The following RTN4RL1 variants were observed in gnomAD, a reference collection of about 807,000 sequenced individuals.
The protein encoded by RTN4RL1 is reticulon 4 receptor like 1.
Under a neutral mutation model 25.6 loss-of-function variants are expected in RTN4RL1, and 7 were observed. That is an observed-to-expected ratio of 0.27 (90% CI 0.16 to 0.51). The LOEUF (loss-of-function observed/expected upper bound fraction) is 0.51. Ranked by LOEUF, RTN4RL1 falls within the 20% of genes least tolerant of loss-of-function variation. RTN4RL1 has a pLI of 0.97. For missense variants in RTN4RL1, 500 were observed against 615.6 expected, an observed-to-expected ratio of 0.81 and a Z score of 1.99; for synonymous variants, 297 against 288.2, an observed-to-expected ratio of 1.03 and a Z score of -0.31.
chr17:1,968,587 A>C (rs890565528), intron 1 of RTN4RL1, among the ~76,000 whole-genome samples: 8 of 152,184 alleles, frequency 5.3e-5, no homozygotes, highest in Non-Finnish European at 1.2e-4. Flanking sequence ...TCAGGAGCTC[A>C]GCGCACTCAG....
chr17:2,004,874 T>C (rs888904439), intron 1 of RTN4RL1, among the ~76,000 whole-genome samples: 50 of 152,208 alleles, frequency 3.3e-4, no homozygotes, highest in African/African-American at 1.2e-3. Flanking sequence ...ATGTGGGCTG[T>C]AGCTAAGGCC....
chr17:1,947,013 AATGTGTCTGTGTGTGCAC>A lies in RTN4RL1; in HGVS notation c.14-9223_14-9206del, dbSNP rs1425559272. On this transcript the variant is annotated intron_variant, in intron 1 of 1. Transcript: ENST00000331238. ...TGGGGCCTGTGTGCATCTCTGTGTGAATGTGTCTGTGTGTGCACATGTGTCTGTGTGCGTCTCTGTGAA... is the reference window on the plus strand; with the variant it reads ...TGGGGCCTGTGTGCATCTCTGTGTGAATGTGTCTGTGTGCGTCTCTGTGAA... Among the ~76,000 whole-genome samples the A allele has an allele frequency of 1.2e-4, 5 of 43,198 alleles. No homozygotes were observed. The East Asian group carries it at 2.0e-3, about 17-fold the overall frequency. 28.3% of individuals were successfully genotyped at this position (43,198 alleles called of 152,430 possible).
intron 1 of RTN4RL1, among the ~76,000 whole-genome samples, chr17:1,971,769 T>C (rs945951278): frequency 3.3e-5 from 5 of 151,928 alleles, no homozygotes; most frequent in African/African-American, 4.8e-5. Context: ...GAGACCATCC[T>C]AGCTAACATG....
At chr17:1,971,969 A>G (rs1313419974) in intron 1 of RTN4RL1, among the ~76,000 whole-genome samples, 1 of 147,422 alleles carries the variant, frequency 6.8e-6, no homozygotes, top group Non-Finnish European at 1.5e-5. Flanking sequence ...CTCAAAAAAA[A>G]AAAAAAAAAA....
Position 2,010,190 on chromosome 17 carries a change from C to T in RTN4RL1, c.13+14663G>A, listed in dbSNP as rs373839991. On this transcript the variant is annotated intron_variant, in intron 1 of 1. Coordinates refer to ENST00000331238, the MANE Select transcript of RTN4RL1 (RefSeq NM_178568.4). The stretch of plus-strand genomic sequence containing the variant: ...ATAGTTGTTTAGCCAGGCGCGGTAG[C>T]TCACGCCTATAATCCCAGCACTTTG... Among the ~76,000 whole-genome samples, 160 of 128,338 alleles carry T rather than the reference C, an allele frequency of 1.2e-3. 51 individuals are homozygous for T. In the South Asian group the frequency reaches 0.043, roughly 34 times the overall value. The allele number at this position is 128,338 out of a possible 152,430, so 84.2% of individuals were successfully genotyped here. A position where few individuals can be genotyped will look rare whatever the true frequency, so the allele number is the denominator to read the frequency against.
chr17:1,955,659 C>T (rs12945232), intron 1 of RTN4RL1, among the ~76,000 whole-genome samples: 75 of 151,992 alleles, frequency 4.9e-4, no homozygotes, highest in African/African-American at 1.7e-3. Context: ...TCTCGGCTCA[C>T]TGCAACCTCC....
In RTN4RL1 at chr17:2,025,218, C is replaced by G. The variant is rs972442813; in HGVS notation, c.-353G>C. On this transcript the variant is annotated 5_prime_UTR_variant, in exon 1 of 2. Transcript: ENST00000331238. The surrounding 1 kb of genome is among the most constrained non-coding windows in gnomAD (Gnocchi z 4.8). ...CCGCCCCCTGGCCGGCCGGCCGCAG[C>G]CCCCTCCTCTCCGCCCCCTCGGACC... is the stretch of plus-strand genomic sequence containing the variant. 2.0e-5 allele frequency: 4 copies of G among 203,886 alleles called. No individual in the cohort carries two copies. Among genetic ancestry groups the G allele is most frequent in the Admixed American group, 6.0e-5 (1 of 16,726 alleles). The allele number at this position is 203,886 out of a possible 1,614,324, so 12.6% of individuals were successfully genotyped here. A position where few individuals can be genotyped will look rare whatever the true frequency, so the allele number is the denominator to read the frequency against.
rs146791392 is a variant in RTN4RL1 at position 1,939,074 on chromosome 17, C to T, written c.14-1266G>A. 2.0e-3 allele frequency among the ~76,000 whole-genome samples: 301 copies of T among 150,604 alleles called. 7 individuals carry two copies. In the East Asian group the frequency reaches 0.043, roughly 22 times the overall value. ...AAAAATAAATAAATAAAATAAAGGCCGGGAGCAGTGGCTCACACCTGTAGT... is the reference window on the plus strand; with the variant it reads ...AAAAATAAATAAATAAAATAAAGGCTGGGAGCAGTGGCTCACACCTGTAGT... On this transcript the variant is annotated intron_variant, in intron 1 of 1. Transcript: ENST00000331238.
intron 1 of RTN4RL1, among the ~76,000 whole-genome samples, chr17:1,999,205 T>C (rs2066944919): frequency 6.7e-6 from 1 of 148,960 alleles, no homozygotes; most frequent in South Asian, 2.1e-4. Context: ...CTCAGCACTT[T>C]GGGAGGCGGA....
At chr17:1,960,475 C>T (rs1280325821) in intron 1 of RTN4RL1, among the ~76,000 whole-genome samples, 3 of 152,220 alleles carry the variant, frequency 2.0e-5, no homozygotes, top group Non-Finnish European at 4.4e-5. Flanking sequence ...CTCTTCACAG[C>T]GCTAGCTGCA....
At chr17:2,008,972 G>A (rs1193147084) in intron 1 of RTN4RL1, among the ~76,000 whole-genome samples, 1 of 152,080 alleles carries the variant, frequency 6.6e-6, no homozygotes, top group Non-Finnish European at 1.5e-5. Context: ...CTCAGCCCAG[G>A]GTTTACTCAC....
At chr17:2,002,331 C>G (rs979265541) in intron 1 of RTN4RL1, among the ~76,000 whole-genome samples, 17 of 147,844 alleles carry the variant, frequency 1.1e-4, no homozygotes, top group Admixed American at 4.1e-4. Flanking sequence ...CTTGCTCTGT[C>G]GCCCAGGCTG....
At chr17:1,953,569 A>T (rs1915727493) in intron 1 of RTN4RL1, among the ~76,000 whole-genome samples, 1 of 151,870 alleles carries the variant, frequency 6.6e-6, no homozygotes, top group Non-Finnish European at 1.5e-5. Context: ...TGAATTAAAA[A>T]AAAAATTTTT....
At chr17:1,937,830 G>A (rs779137529) in intron 1 of RTN4RL1, 22 bp from the exon 2 acceptor site, 71 of 1,550,190 alleles carry the variant, frequency 4.6e-5, no homozygotes, top group East Asian at 1.4e-4. Flanking sequence ...AGAGAGCACA[G>A]CCAGGTCAGG....
chr17:1,969,331 A>G (rs1056397630), intron 1 of RTN4RL1, among the ~76,000 whole-genome samples: 4 of 152,108 alleles, frequency 2.6e-5, no homozygotes, highest in African/African-American at 9.7e-5. Flanking sequence ...TGCTGGGATT[A>G]CAGGCATGAG....
chr17:2,013,089 C>CGGCCT (rs2067070342), intron 1 of RTN4RL1, among the ~76,000 whole-genome samples: 1 of 152,188 alleles, frequency 6.6e-6, no homozygotes, highest in Non-Finnish European at 1.5e-5. Context: ...CCACTGCGCC[C>CGGCCT]GGCCTGCTAT....
intron 1 of RTN4RL1, among the ~76,000 whole-genome samples, chr17:1,999,669 A>G (rs1195019519): frequency 1.3e-5 from 1 of 78,632 alleles, no homozygotes; most frequent in East Asian, 2.7e-4. Flanking sequence ...CACTCCCTAT[A>G]CATGCCCCCC....
intron 1 of RTN4RL1, among the ~76,000 whole-genome samples, chr17:2,000,368 G>C (rs2066951553): frequency 6.6e-6 from 1 of 152,020 alleles, no homozygotes. Flanking sequence ...GTTTGTTTAA[G>C]ATGGAGTCTC....
chr17:1,971,186 G>A (rs980910928), intron 1 of RTN4RL1, among the ~76,000 whole-genome samples: 11 of 152,146 alleles, frequency 7.2e-5, no homozygotes, highest in African/African-American at 2.4e-4. Flanking sequence ...TGCTGTTCTC[G>A]TGATAGTGAG....
Sources: allele counts gnomAD v4.1 joint callset (sites outside exome capture counted in the v4.1 genomes callset), GRCh38; gene constraint gnomAD v4.1.1; non-coding constraint Gnocchi (gnomAD v3.1); transcripts MANE v1.5; gene names NCBI Gene and HGNC (gene_info 2026-07-23, HGNC 2026-07-21).